The following ZNF521 variants were observed in gnomAD, a reference collection of about 807,000 sequenced individuals.
The protein encoded by ZNF521 is LYST-interacting protein 3.
A neutral mutation model predicts 105.5 loss-of-function variants in ZNF521; 14 were observed. The observed-to-expected ratio is 0.13, with a 90% confidence interval of 0.09 to 0.21. The LOEUF (loss-of-function observed/expected upper bound fraction) is 0.21, where lower values mean the gene tolerates loss of function less well. Among genes scored for constraint, ZNF521 ranks in the 10% least tolerant of loss-of-function variants. ZNF521 has a pLI of 1.00. For missense variants in ZNF521, 1,233 were observed against 1,629.7 expected, an observed-to-expected ratio of 0.76 and a Z score of 4.19; for synonymous variants, 635 against 606.0, an observed-to-expected ratio of 1.05 and a Z score of -0.70.
At chr18:25,185,687 G>C (rs73404932) in intron 5 of ZNF521, among the ~76,000 whole-genome samples, 9,309 of 152,144 alleles carry the variant, frequency 0.061, 679 homozygotes, top group African/African-American at 0.18. Flanking sequence ...TAACAGGCAC[G>C]GTTGTGGGAG....
chr18:25,134,427 G>T (rs2034695932), intron 5 of ZNF521, among the ~76,000 whole-genome samples: 1 of 152,118 alleles, frequency 6.6e-6, no homozygotes, highest in South Asian at 2.1e-4. Context: ...CAAATCAATG[G>T]TGTATTGTGT....
intron 5 of ZNF521, among the ~76,000 whole-genome samples, chr18:25,140,738 G>A (rs534821361): frequency 6.6e-6 from 1 of 152,194 alleles, no homozygotes; most frequent in South Asian, 2.1e-4. Context: ...GAAAATGGGA[G>A]AGGGAGGGCA....
In ZNF521 at chr18:25,079,601, A is replaced by AAGAG. The variant is rs34772670; in HGVS notation, c.3906+9860_3906+9863dup. Among the ~76,000 whole-genome samples, 218 of 148,138 alleles carry AAGAG rather than the reference A, an allele frequency of 1.5e-3. 1 individual carries two copies. Among genetic ancestry groups the AAGAG allele is most frequent in the African/African-American group, 5.3e-3 (212 of 40,334 alleles). On this transcript the variant is annotated intron_variant, in intron 7 of 7. Transcript: ENST00000361524. ...ACACCAAGAGATCTCAGGAAAAAGT[A>AAGAG]AGAGAGAGAGAGAGAGAGAGAGAGA...
At chr18:25,128,928 A>G (rs1345284050) in intron 5 of ZNF521, among the ~76,000 whole-genome samples, 1 of 152,014 alleles carries the variant, frequency 6.6e-6, no homozygotes, top group Non-Finnish European at 1.5e-5. Flanking sequence ...CCAGCATGTT[A>G]TTTTTGTGGA....
intron 3 of ZNF521, chr18:25,273,385 A>G (rs931953479): frequency 6.6e-6 from 1 of 152,168 alleles, no homozygotes; most frequent in African/African-American, 2.4e-5. Flanking sequence ...TATATATTTA[A>G]AAGTTCAAAC....
At chr18:25,250,241 T>A (rs181446594) in intron 3 of ZNF521, among the ~76,000 whole-genome samples, 11 of 152,122 alleles carry the variant, frequency 7.2e-5, no homozygotes, top group Non-Finnish European at 1.5e-4. Context: ...TTACATAATC[T>A]CACACTCTTT....
intron 4 of ZNF521, among the ~76,000 whole-genome samples, chr18:25,210,735 G>C (rs2036164946): frequency 6.6e-6 from 1 of 152,032 alleles, no homozygotes. Flanking sequence ...TAACTAACCG[G>C]GGACCCACGG....
At chr18:25,084,088 A>C (rs1033208550) in intron 7 of ZNF521, among the ~76,000 whole-genome samples, 5 of 151,606 alleles carry the variant, frequency 3.3e-5, no homozygotes, top group Admixed American at 2.6e-4. Flanking sequence ...CTGGCCTGTA[A>C]ATATTTTTAA....
At chr18:25,271,861 T>C (rs188147895) in intron 3 of ZNF521, among the ~76,000 whole-genome samples, 63 of 152,238 alleles carry the variant, frequency 4.1e-4, no homozygotes, top group Admixed American at 2.7e-3. Context: ...GGGCAAAGAC[T>C]TCATGACTAA....
At position 25,350,890 on chromosome 18, in the gene ZNF521, A is replaced by AGG; in HGVS notation, c.40+15_40+16dup. The AGG allele has an allele frequency of 6.5e-7, 1 of 1,548,102 alleles. No homozygotes were observed. Among genetic ancestry groups the AGG allele is most frequent in the Non-Finnish European group, 8.7e-7 (1 of 1,145,280 alleles). ...TCGCGGATGGGGGAAAGCGGGGAGC[A>AGG]GGGGGTTCCTCCTTACCTTTGAGGG... On this transcript the variant is annotated intron_variant, in intron 2 of 7. Transcript: ENST00000361524.
intron 4 of ZNF521, among the ~76,000 whole-genome samples, chr18:25,200,304 C>A (rs2035971040): frequency 6.6e-6 from 1 of 152,094 alleles, no homozygotes; most frequent in South Asian, 2.1e-4. Context: ...CTCCCAGTCC[C>A]AGACTCTTGA....
At chr18:25,175,234 C>T (rs1043047526) in intron 5 of ZNF521, among the ~76,000 whole-genome samples, 4 of 152,140 alleles carry the variant, frequency 2.6e-5, no homozygotes, top group South Asian at 2.1e-4. Flanking sequence ...TTCCTACCTC[C>T]GACGTATAAG....
chr18:25,176,139 C>CT (rs1026925281), intron 5 of ZNF521, among the ~76,000 whole-genome samples: 3 of 152,144 alleles, frequency 2.0e-5, no homozygotes, highest in African/African-American at 7.2e-5. Context: ...CCGTGTGAGT[C>CT]TTTTTATGGC....
intron 3 of ZNF521, among the ~76,000 whole-genome samples, chr18:25,320,485 C>G (rs1912881040): frequency 6.6e-6 from 1 of 152,030 alleles, no homozygotes; most frequent in African/African-American, 2.4e-5. Context: ...GGCTAACTTT[C>G]TCAGTTTCAG....
intron 5 of ZNF521, among the ~76,000 whole-genome samples, chr18:25,113,265 A>C (rs1382087145): frequency 6.6e-6 from 1 of 152,092 alleles, no homozygotes; most frequent in Non-Finnish European, 1.5e-5. Context: ...AGCCCAGCCT[A>C]GCTTGCAACA....
At chr18:25,097,876 C>T (rs1721760682) in intron 5 of ZNF521, among the ~76,000 whole-genome samples, 1 of 152,176 alleles carries the variant, frequency 6.6e-6, no homozygotes, top group Admixed American at 6.5e-5. Context: ...GATATTGCCA[C>T]TGTTATTTCC....
intron 3 of ZNF521, among the ~76,000 whole-genome samples, chr18:25,295,221 T>C (rs1911260048): frequency 6.6e-6 from 1 of 152,210 alleles, no homozygotes; most frequent in Non-Finnish European, 1.5e-5. Flanking sequence ...AATTTAGTTT[T>C]GCCTAGTTTT....
chr18:25,104,150 C>A (rs2034025634), intron 5 of ZNF521, among the ~76,000 whole-genome samples: 1 of 152,018 alleles, frequency 6.6e-6, no homozygotes, highest in Non-Finnish European at 1.5e-5. Flanking sequence ...GTCTGGGGCA[C>A]AATAAATTTT....
Position 25,161,157 on chromosome 18 carries a change from C to T in ZNF521, c.3658+34003G>A, listed in dbSNP as rs550178183. On this transcript the variant is annotated intron_variant, in intron 5 of 7. Coordinates refer to ENST00000361524, the MANE Select transcript of ZNF521 (RefSeq NM_015461.3). ...ACCTCAAACCAGAGGCCTCCTAGTA[C>T]GTCACACTCCCTTTGTCTCCTTCTC... Among the ~76,000 whole-genome samples the T allele has an allele frequency of 3.9e-5, 6 of 152,236 alleles. No homozygotes were observed. The South Asian group carries it at 8.3e-4, about 21-fold the overall frequency.
Sources: allele counts gnomAD v4.1 joint callset (sites outside exome capture counted in the v4.1 genomes callset), GRCh38; gene constraint gnomAD v4.1.1; transcripts MANE v1.5; gene names NCBI Gene and HGNC (gene_info 2026-07-23, HGNC 2026-07-21).